Variants in SCIN observed in about 807,000 individuals in gnomAD.
SCIN encodes the protein scinderin.
In SCIN, 91 loss-of-function variants were observed where a neutral mutation model predicts 91.8. That is an observed-to-expected ratio of 0.99 (90% CI 0.84 to 1.18). The LOEUF (loss-of-function observed/expected upper bound fraction) is 1.18. Ranked by LOEUF, SCIN falls within the 50% of genes most tolerant of loss-of-function variation. The pLI, the probability that SCIN is intolerant of heterozygous loss-of-function variation, is 0.00. For synonymous variants in SCIN, 367 were observed against 312.6 expected (o/e 1.17, Z -1.84); for missense variants, 1,087 against 863.9 (o/e 1.26, Z -3.24).
rs1339577863 is a variant in SCIN, at chr7:12,656,028, C to CCTCT, written c.*3314_*3317dup. 2.0e-5 allele frequency: 3 copies of CCTCT among 152,154 alleles called. No homozygotes were observed. The highest frequency in any genetic ancestry group is 4.4e-5 in the Non-Finnish European group (3 of 68,038). 9.4% of individuals were successfully genotyped at this position (152,154 alleles called of 1,614,324 possible). On this transcript the variant is annotated 3_prime_UTR_variant, in exon 16 of 16. Transcript: ENST00000297029. ...GAGAGCCTTGGTGAGCCATTTAGAT[C>CCTCT]CTCTGTATCTTCTCAAGCACAATCC... is the stretch of plus-strand genomic sequence containing the variant.
At chr7:12,650,721 A>G (rs1784062159) in intron 14 of SCIN, among the ~76,000 whole-genome samples, 1 of 152,228 alleles carries the variant, frequency 6.6e-6, no homozygotes, top group Non-Finnish European at 1.5e-5. Flanking sequence ...AGGAGGATAT[A>G]TACAGATTGT....
intron 3 of SCIN, among the ~76,000 whole-genome samples, chr7:12,586,485 T>G (rs1459703911): frequency 6.6e-6 from 1 of 152,136 alleles, no homozygotes; most frequent in Admixed American, 6.5e-5. Flanking sequence ...GCTGTGGTAA[T>G]GTAAATTACT....
rs548626443 is a variant in SCIN, at chr7:12,644,897, C to T, written c.1881+192C>T. On this transcript the variant is annotated intron_variant, in intron 13 of 15. Coordinates refer to ENST00000297029, the MANE Select transcript of SCIN (RefSeq NM_001112706.3). ...GATGTGGTGGTGCACACTTGTAATT[C>T]AAGCTACTCGGGAGGCTTGAGGCAG... Among the ~76,000 whole-genome samples the T allele has an allele frequency of 4.6e-5, 7 of 151,306 alleles. No homozygotes were observed. The South Asian group carries it at 1.5e-3, about 32-fold the overall frequency.
At chr7:12,646,795 A>G (rs1318137756) in intron 13 of SCIN, among the ~76,000 whole-genome samples, 17 of 152,218 alleles carry the variant, frequency 1.1e-4, no homozygotes, top group Admixed American at 7.9e-4. Context: ...GTATTTTGTC[A>G]GATATTTTGA....
intron 8 of SCIN, among the ~76,000 whole-genome samples, chr7:12,627,093 C>A (rs561791029): frequency 1.3e-3 from 192 of 149,722 alleles, no homozygotes; most frequent in Non-Finnish European, 2.1e-3. Context: ...TGTGTGTATA[C>A]ACACACACAC....
intron 2 of SCIN, 131 bp downstream of exon 2, chr7:12,578,349 T>G: frequency 1.3e-6 from 1 of 777,808 alleles, no homozygotes; most frequent in Non-Finnish European, 1.9e-6. Context: ...TTAATCTGTT[T>G]TGTTCATGGA....
Position 12,570,859 on chromosome 7 carries a change from G to C in SCIN, c.73G>C (p.Glu25Gln). The change falls in exon 1 of 16, where the codon GAG becomes CAG. Residue 25 changes from glutamate to glutamine, a missense_variant. Transcript: ENST00000297029. ...GGCGGGGCTGCAGGTCTGGAGGATT[G>C]AGAAGCTGGAGCTGGTGCCCGTGCC... The part of the protein sequence containing the change: ...KQAGLQVWRI[E>Q]KLELVPVPQS... 1.3e-6 allele frequency: 2 copies of C among 1,551,626 alleles called. No homozygotes were observed. The highest frequency in any genetic ancestry group is 1.7e-6 in the Non-Finnish European group (2 of 1,146,974).
At chr7:12,649,639 G>T (rs1235588689) in intron 14 of SCIN, 95 bp downstream of exon 14, 1 of 743,748 alleles carries the variant, frequency 1.3e-6, no homozygotes, top group African/African-American at 1.8e-5. Flanking sequence ...ATATAAATGA[G>T]CCTAGAGATT....
chr7:12,650,177 G>A (rs1355017427), intron 14 of SCIN, among the ~76,000 whole-genome samples: 1 of 152,150 alleles, frequency 6.6e-6, no homozygotes, highest in Non-Finnish European at 1.5e-5. Context: ...GTAGAGTCAA[G>A]CACAGAGATT....
chr7:12,592,478 T>A (rs997220910), intron 3 of SCIN, among the ~76,000 whole-genome samples: 1 of 151,124 alleles, frequency 6.6e-6, no homozygotes, highest in Non-Finnish European at 1.5e-5. Flanking sequence ...TTTGGAAGAG[T>A]CTTTTAACTG....
Position 12,653,589 on chromosome 7 carries a change from G to A in SCIN, c.*874G>A, listed in dbSNP as rs539338180. ...TATCTTTTTTTTAACCTTATTAAAA[G>A]CCTTTGAAAACACAGCTCTTTCATG... On this transcript the variant is annotated 3_prime_UTR_variant, in exon 16 of 16. Transcript: ENST00000297029. This position sits in a 1 kb window ranked among gnomAD's most constrained non-coding sequence, Gnocchi z 4.1. The A allele has an allele frequency of 6.6e-5, 10 of 152,120 alleles. No homozygotes were observed. Among genetic ancestry groups the A allele is most frequent in the Non-Finnish European group, 1.2e-4 (8 of 67,982 alleles). 9.4% of individuals were successfully genotyped at this position (152,120 alleles called of 1,614,324 possible). A position where few individuals can be genotyped will look rare whatever the true frequency, so the allele number is the denominator to read the frequency against.
intron 4 of SCIN, 91 bp from the exon 5 acceptor site, chr7:12,622,710 A>T: frequency 1.2e-6 from 1 of 868,852 alleles, no homozygotes. Flanking sequence ...CAAATATTTT[A>T]TAATCCATGT....
At chr7:12,579,731 T>G (rs1377944553) in intron 2 of SCIN, among the ~76,000 whole-genome samples, 1 of 152,098 alleles carries the variant, frequency 6.6e-6, no homozygotes, top group Non-Finnish European at 1.5e-5. Flanking sequence ...GCCTGACCAA[T>G]ATGGTGAAAC....
intron 2 of SCIN, among the ~76,000 whole-genome samples, chr7:12,579,580 G>T (rs528325414): frequency 1.3e-5 from 2 of 152,150 alleles, no homozygotes; most frequent in African/African-American, 4.8e-5. Flanking sequence ...TATTATAACA[G>T]TTTCCTCATA....
At chr7:12,625,649 G>C in intron 6 of SCIN, 113 bp from the exon 7 acceptor site, 3 of 813,340 alleles carry the variant, frequency 3.7e-6, no homozygotes, top group Non-Finnish European at 5.8e-6. Flanking sequence ...TTCTTTCACT[G>C]CTGTATTTAA....
chr7:12,629,346 G>A (rs1163653749), intron 9 of SCIN, 124 bp downstream of exon 9: 3 of 882,262 alleles, frequency 3.4e-6, no homozygotes, highest in East Asian at 5.6e-5. Flanking sequence ...TGTATAGCAT[G>A]CATATAGTAT....
intron 4 of SCIN, among the ~76,000 whole-genome samples, chr7:12,616,685 A>G (rs923539616): frequency 6.6e-6 from 1 of 152,136 alleles, no homozygotes; most frequent in Non-Finnish European, 1.5e-5. Flanking sequence ...TAAACCTTAC[A>G]TAACAGATAT....
chr7:12,586,749 A>G (rs1782596701), intron 3 of SCIN, among the ~76,000 whole-genome samples: 1 of 152,218 alleles, frequency 6.6e-6, no homozygotes, highest in Non-Finnish European at 1.5e-5. Flanking sequence ...CAGCCATAAA[A>G]TAAAGTATGG....
intron 10 of SCIN, among the ~76,000 whole-genome samples, chr7:12,637,467 G>A (rs1182289089): frequency 2.0e-5 from 3 of 151,826 alleles, no homozygotes; most frequent in Non-Finnish European, 4.4e-5. Flanking sequence ...GAAATGGGAG[G>A]GACAAAGAGA....
Sources: allele counts gnomAD v4.1 joint callset (sites outside exome capture counted in the v4.1 genomes callset), GRCh38; gene constraint gnomAD v4.1.1; non-coding constraint Gnocchi (gnomAD v3.1); transcripts MANE v1.5; gene names NCBI Gene and HGNC (gene_info 2026-07-23, HGNC 2026-07-21).